Variants in USP28 observed in about 807,000 individuals in gnomAD.
USP28 encodes the protein ubiquitin specific peptidase 28, also known as ubiquitin carboxyl-terminal hydrolase 28.
A neutral mutation model predicts 145.0 loss-of-function variants in USP28; 113 were observed. That is an observed-to-expected ratio of 0.78 (90% CI 0.67 to 0.91). USP28 has a LOEUF of 0.91. Among genes scored for constraint, USP28 ranks in the 40% least tolerant of loss-of-function variants. USP28 has a pLI of 0.00. For missense variants in USP28, 1,201 were observed against 1,289.6 expected (o/e 0.93, Z 1.05); for synonymous variants, 447 against 450.9 (o/e 0.99, Z 0.11).
At chr11:113,874,883 G>C in intron 1 of USP28, 1 of 1,000,966 alleles carries the variant, frequency 1.0e-6, no homozygotes, top group Non-Finnish European at 1.2e-6. Flanking sequence ...TAAAAATCTA[G>C]AGCGATGAAG....
chr11:113,847,541 G>A (rs1036698438), intron 3 of USP28, among the ~76,000 whole-genome samples: 2 of 152,128 alleles, frequency 1.3e-5, no homozygotes, highest in Non-Finnish European at 2.9e-5. Flanking sequence ...TTGGATCATT[G>A]TTCTTAACAA....
chr11:113,860,656 A>G (rs1466009323), intron 1 of USP28, among the ~76,000 whole-genome samples: 1 of 151,688 alleles, frequency 6.6e-6, no homozygotes, highest in Non-Finnish European at 1.5e-5. Flanking sequence ...CTAAAGAAAA[A>G]AAAAATACAA....
chr11:113,831,921 T>C, exon 8 of USP28: 4 of 1,613,706 alleles, frequency 2.5e-6, no homozygotes, highest in Non-Finnish European at 3.4e-6. Flanking sequence ...AACACTCACT[T>C]AACATTAACA....
intron 1 of USP28, chr11:113,874,387 A>G: frequency 1.1e-6 from 1 of 870,208 alleles, no homozygotes; most frequent in Non-Finnish European, 1.5e-6. Flanking sequence ...ATCGCGCCAC[A>G]GCACTCCAGC....
chr11:113,847,463 G>A (rs1945994103), intron 3 of USP28, among the ~76,000 whole-genome samples: 2 of 105,240 alleles, frequency 1.9e-5, no homozygotes, highest in South Asian at 3.7e-4. Flanking sequence ...GTGGGGGGGC[G>A]GGGTGGAGAT....
intron 17 of USP28, 27 bp from the exon 18 acceptor site, chr11:113,808,464 A>C: frequency 6.2e-7 from 1 of 1,610,564 alleles, no homozygotes; most frequent in South Asian, 1.1e-5. Context: ...CAAAGGTCTT[A>C]GCATCTAATG....
chr11:113,848,578 T>C (rs1292967102), intron 3 of USP28, among the ~76,000 whole-genome samples: 4 of 152,214 alleles, frequency 2.6e-5, no homozygotes, highest in Non-Finnish European at 5.9e-5. Context: ...ATGGAGGCTA[T>C]ACTTAGGAAA....
intron 22 of USP28, 77 bp downstream of exon 23, chr11:113,803,721 C>G: frequency 8.3e-7 from 1 of 1,208,012 alleles, no homozygotes; most frequent in Non-Finnish European, 1.2e-6. Context: ...GGCTGTGACT[C>G]TTAGTATTCC....
At chr11:113,875,504 C>G in exon 1 of USP28, 3 of 1,172,860 alleles carry the variant, frequency 2.6e-6, no homozygotes, top group Non-Finnish European at 3.2e-6. Flanking sequence ...GCAGTCATGG[C>G]CGAGGCGCCC....
chr11:113,824,746 C>A lies in USP28; in HGVS notation c.1188-1046G>T, dbSNP rs7951042. Reference sequence around the variant, plus strand: ...GGGAGTTCAAGACCAGCCTGACCAACGTGGGAGAAACCCCATCTCTACTAA... The same window carrying A: ...GGGAGTTCAAGACCAGCCTGACCAAAGTGGGAGAAACCCCATCTCTACTAA... On this transcript the variant is annotated intron_variant, in intron 11 of 24. Coordinates refer to ENST00000003302, the Ensembl canonical transcript of USP28. Among the ~76,000 whole-genome samples the A allele has an allele frequency of 3.5e-3, 535 of 151,454 alleles. 2 individuals are homozygous for A. Among genetic ancestry groups the A allele is most frequent in the African/African-American group, 0.013 (521 of 41,332 alleles).
intron 11 of USP28, among the ~76,000 whole-genome samples, chr11:113,825,271 A>G (rs1943161802): frequency 6.6e-6 from 1 of 152,144 alleles, no homozygotes; most frequent in Non-Finnish European, 1.5e-5. Flanking sequence ...TCAATGGGGG[A>G]AAAGGAAATA....
chr11:113,843,127 G>A (rs1468687923), intron 3 of USP28, among the ~76,000 whole-genome samples: 2 of 152,180 alleles, frequency 1.3e-5, no homozygotes, highest in African/African-American at 4.8e-5. Context: ...AGCTACTTGG[G>A]AGGCTGAGGC....
chr11:113,801,727 A>C, intron 23 of USP28, 49 bp from the exon 25 acceptor site: 1 of 1,453,530 alleles, frequency 6.9e-7, no homozygotes, highest in East Asian at 2.3e-5. Context: ...AAAAAGATAA[A>C]TATCTCTTTA....
At chr11:113,853,026 C>T (rs969189180) in intron 2 of USP28, among the ~76,000 whole-genome samples, 2 of 152,084 alleles carry the variant, frequency 1.3e-5, no homozygotes, top group Admixed American at 6.5e-5. Context: ...GCAGGGCAGG[C>T]GCAGTGGCTC....
intron 24 of USP28, among the ~76,000 whole-genome samples, chr11:113,800,596 AAT>A (rs1195400572): frequency 1.1e-4 from 17 of 152,102 alleles, no homozygotes; most frequent in African/African-American, 4.1e-4. Flanking sequence ...TAGCCCCATC[AAT>A]AGAGTATCTC....
intron 3 of USP28, among the ~76,000 whole-genome samples, chr11:113,845,189 A>G (rs539078792): frequency 6.6e-6 from 1 of 151,632 alleles, no homozygotes; most frequent in Non-Finnish European, 1.5e-5. Context: ...CTTTAATTCC[A>G]GCACTCAGGG....
chr11:113,832,377 G>C (rs1452429284), intron 7 of USP28, among the ~76,000 whole-genome samples: 1 of 152,144 alleles, frequency 6.6e-6, no homozygotes, highest in Admixed American at 6.5e-5. Flanking sequence ...CGCAAGTGCT[G>C]GGATTACAGG....
intron 1 of USP28, among the ~76,000 whole-genome samples, chr11:113,866,019 C>A (rs1048537559): frequency 5.3e-5 from 8 of 152,188 alleles, no homozygotes; most frequent in African/African-American, 1.9e-4. Context: ...CAGTGCTGGC[C>A]GGGCACGGTG....
chr11:113,860,521 A>G (rs1947548574), intron 1 of USP28, among the ~76,000 whole-genome samples: 1 of 152,072 alleles, frequency 6.6e-6, no homozygotes, highest in Non-Finnish European at 1.5e-5. Context: ...TATCAATGCC[A>G]AAAACTCTGG....
Sources: gnomAD v4.1 joint callset for allele counts (sites outside exome capture counted in the v4.1 genomes callset) on GRCh38, gnomAD v4.1.1 for gene constraint, MANE v1.5 for transcripts, NCBI Gene and HGNC (gene_info 2026-07-23, HGNC 2026-07-21) for gene names.